The following LRP1B variants were observed in gnomAD, a reference collection of about 807,000 sequenced individuals.
LRP1B encodes low-density lipoprotein receptor-related protein 1B.
In LRP1B, 217 loss-of-function variants were observed where a neutral mutation model predicts 556.6. That is an observed-to-expected ratio of 0.39 (90% confidence interval 0.35 to 0.44). The LOEUF (loss-of-function observed/expected upper bound fraction) is 0.44. Among genes scored for constraint, LRP1B ranks in the 20% least tolerant of loss-of-function variants. The pLI, the probability that LRP1B is intolerant of heterozygous loss-of-function variation, is 1.00. For synonymous variants in LRP1B, 2,047 were observed against 1,865.8 expected (o/e 1.10, Z -2.50); for missense variants, 5,053 against 5,620.8 (o/e 0.90, Z 3.23).
intron 3 of LRP1B, among the ~76,000 whole-genome samples, chr2:141,365,953 A>G (rs947329107): frequency 2.0e-5 from 3 of 152,120 alleles, no homozygotes; most frequent in Non-Finnish European, 2.9e-5. Context: ...GATTACAGGC[A>G]TGCGCCACCG....
chr2:140,254,536 GTTTGTTTGT>G (rs1314147083), intron 86 of LRP1B, among the ~76,000 whole-genome samples: 5 of 151,754 alleles, frequency 3.3e-5, no homozygotes, highest in Non-Finnish European at 7.4e-5. Context: ...TTTTTTGTTT[GTTTGTTTGT>G]TTTGTTTGTT....
At chr2:140,938,665 G>A (rs138254194) in intron 20 of LRP1B, among the ~76,000 whole-genome samples, 1 of 151,938 alleles carries the variant, frequency 6.6e-6, no homozygotes, top group South Asian at 2.1e-4. Flanking sequence ...GCATAATCTT[G>A]GGAAAATATC....
At chr2:140,275,745 T>A (rs1181527275) in intron 84 of LRP1B, among the ~76,000 whole-genome samples, 2 of 151,944 alleles carry the variant, frequency 1.3e-5, no homozygotes, top group Admixed American at 6.6e-5. Flanking sequence ...TTCCCATCAG[T>A]CACGAAACTC....
chr2:140,794,643 C>T (rs9287302), intron 32 of LRP1B, among the ~76,000 whole-genome samples: 9,025 of 149,820 alleles, frequency 0.06, 738 homozygotes, highest in African/African-American at 0.18. Flanking sequence ...GACAGAGTTT[C>T]GCTCTTGTTG....
chr2:140,997,900 C>G (rs556288772), intron 15 of LRP1B, among the ~76,000 whole-genome samples: 1 of 152,056 alleles, frequency 6.6e-6, no homozygotes, highest in South Asian at 2.1e-4. Flanking sequence ...GATGACCTTT[C>G]ATTACATAAA....
At chr2:142,102,730 T>C (rs1706613190) in intron 1 of LRP1B, among the ~76,000 whole-genome samples, 1 of 151,694 alleles carries the variant, frequency 6.6e-6, no homozygotes, top group African/African-American at 2.4e-5. Flanking sequence ...TATAAAAAAA[T>C]TGTCTCCCTA....
intron 1 of LRP1B, among the ~76,000 whole-genome samples, chr2:141,938,890 C>T (rs1008368821): frequency 6.6e-6 from 1 of 151,960 alleles, no homozygotes; most frequent in African/African-American, 2.4e-5. Flanking sequence ...TGAAATAAGC[C>T]AGACCCAGAT....
intron 2 of LRP1B, among the ~76,000 whole-genome samples, chr2:141,527,298 GT>G (rs1684723455): frequency 6.6e-6 from 1 of 151,628 alleles, no homozygotes; most frequent in African/African-American, 2.4e-5. Flanking sequence ...AACAAGGCAG[GT>G]TTTGTTATTT....
At position 140,420,112 on chromosome 2, in the gene LRP1B, T is replaced by C. The variant is rs184299359; in HGVS notation, c.10414+22392A>G. 5.0e-4 allele frequency among the ~76,000 whole-genome samples: 76 copies of C among 151,238 alleles called. 1 individual carries two copies. Among genetic ancestry groups the C allele is most frequent in the Admixed American group, 4.3e-3 (65 of 15,216 alleles). On this transcript the variant is annotated intron_variant, in intron 66 of 90. Transcript: ENST00000389484. Reference sequence around the variant, plus strand: ...AATATATGAGCCGATGCTAAAGCAGTATTTAGCATCAGCATTTAGAAATTT... The same window carrying C: ...AATATATGAGCCGATGCTAAAGCAGCATTTAGCATCAGCATTTAGAAATTT...
chr2:141,229,301 T>G lies in LRP1B; in HGVS notation c.732A>C (p.Glu244Asp). The G allele has an allele frequency of 6.2e-7, 1 of 1,612,650 alleles. No individual in the cohort carries two copies. Among genetic ancestry groups the G allele is most frequent in the Non-Finnish European group, 8.5e-7 (1 of 1,178,922 alleles). Reference protein sequence around the residue: ...EIHTLDFIYNEDMICWIESRE... With the variant: ...EIHTLDFIYNDDMICWIESRE... Reference sequence around the variant, plus strand: ...TTGATTCAATCCAACAAATCATATCTTCATTATAAATAAAATCCAGAGTAT... The same window carrying G: ...TTGATTCAATCCAACAAATCATATCGTCATTATAAATAAAATCCAGAGTAT... The change falls in exon 6 of 91, where the codon GAA (glutamate) becomes GAC (aspartate). Residue 244 changes from glutamate to aspartate, a missense_variant. By Grantham distance (45) the Glu-to-Asp change is conservative (BLOSUM62 2). Around this residue, in one of 5 missense-constraint regions of LRP1B, gnomAD observed 3,619 missense variants for 3,931.9 expected, o/e 0.92. Transcript: ENST00000389484.
chr2:141,669,818 G>A (rs951772259), intron 2 of LRP1B, among the ~76,000 whole-genome samples: 1 of 152,032 alleles, frequency 6.6e-6, no homozygotes. Flanking sequence ...GCAATGGTGC[G>A]ATCTTGGCTC....
At chr2:140,892,575 G>A (rs1693829411) in intron 23 of LRP1B, among the ~76,000 whole-genome samples, 1 of 152,180 alleles carries the variant, frequency 6.6e-6, no homozygotes, top group South Asian at 2.1e-4. Context: ...TTAGTGAACT[G>A]TTGGTATAGA....
chr2:140,883,757 G>A (rs1362972097), intron 25 of LRP1B, 60 bp downstream of exon 25: 3 of 1,321,206 alleles, frequency 2.3e-6, no homozygotes, highest in Non-Finnish European at 3.1e-6. Flanking sequence ...TAAATTCAAT[G>A]TTAAATTGAA....
intron 1 of LRP1B, among the ~76,000 whole-genome samples, chr2:141,899,141 G>A (rs1699542903): frequency 6.6e-6 from 1 of 152,080 alleles, no homozygotes; most frequent in African/African-American, 2.4e-5. Context: ...ATGTGAGGGT[G>A]GCAGTGGAAA....
At position 140,418,397 on chromosome 2, in the gene LRP1B, G is replaced by T. The variant is rs139439276; in HGVS notation, c.10414+24107C>A. On this transcript the variant is annotated intron_variant, in intron 66 of 90. Coordinates refer to ENST00000389484, the MANE Select transcript of LRP1B (RefSeq NM_018557.3). ...CATTTGTGAAAAAGCCAGTTGAATC[G>T]ACTTTGTCTTTGCTAGAAGAGGATC... Among the ~76,000 whole-genome samples, 9 of 152,248 alleles carry T rather than the reference G, an allele frequency of 5.9e-5. No homozygotes were observed. The East Asian group carries it at 1.7e-3, about 29-fold the overall frequency.
chr2:140,593,420 G>C (rs891194094), intron 43 of LRP1B, among the ~76,000 whole-genome samples: 34 of 152,112 alleles, frequency 2.2e-4, no homozygotes, highest in Admixed American at 6.5e-4. Flanking sequence ...TATTGTTTCA[G>C]CTACTGGAAC....
At chr2:141,528,282 A>G (rs1303867212) in intron 2 of LRP1B, among the ~76,000 whole-genome samples, 3 of 151,980 alleles carry the variant, frequency 2.0e-5, no homozygotes, top group Non-Finnish European at 4.4e-5. Flanking sequence ...GTAGTTGTCC[A>G]GAAAAATTTG....
Position 141,552,696 on chromosome 2 carries a change from G to A in LRP1B, c.206-72163C>T, listed in dbSNP as rs115487960. 5.2e-3 allele frequency among the ~76,000 whole-genome samples: 791 copies of A among 151,994 alleles called. 4 individuals carry two copies. Among genetic ancestry groups the A allele is most frequent in the African/African-American group, 0.012 (499 of 41,504 alleles). ...AAAAAATGTTCTTGAGAAAATTCAG[G>A]TAGTTAATTGGCTTGGCGGAAAAAT... is the stretch of plus-strand genomic sequence containing the variant. On this transcript the variant is annotated intron_variant, in intron 2 of 90. Transcript: ENST00000389484.
chr2:141,135,826 T>C (rs893041965), intron 7 of LRP1B, among the ~76,000 whole-genome samples: 1 of 151,900 alleles, frequency 6.6e-6, no homozygotes, highest in African/African-American at 2.4e-5. Flanking sequence ...TTCAGGGCTG[T>C]ACTTTCCCCC....
Sources: gnomAD v4.1 joint callset for allele counts (sites outside exome capture counted in the v4.1 genomes callset) on GRCh38, gnomAD v4.1.1 for gene constraint, gnomAD v4.1.1 regional missense constraint, MANE v1.5 for transcripts, NCBI Gene and HGNC (gene_info 2026-07-23, HGNC 2026-07-21) for gene names.